The following MVB12B variants were observed in gnomAD, a reference collection of about 807,000 sequenced individuals.
The protein encoded by MVB12B is multivesicular body subunit 12B, also known as ESCRT-I complex subunit MVB12B.
A neutral mutation model predicts 41.6 loss-of-function variants in MVB12B; 16 were observed. The observed-to-expected ratio is 0.38, with a 90% CI of 0.26 to 0.58. The LOEUF (loss-of-function observed/expected upper bound fraction) is 0.58, where lower values mean the gene tolerates loss of function less well. Among genes scored for constraint, MVB12B ranks in the 20% least tolerant of loss-of-function variants. The probability of loss-of-function intolerance (pLI) is 0.62; values close to 1 mark genes in which losing one functional copy is unlikely to be tolerated. For missense variants in MVB12B, 274 were observed against 380.2 expected (o/e 0.72, Z 2.32); for synonymous variants, 133 against 139.7 (o/e 0.95, Z 0.34).
At position 126,376,033 on chromosome 9, in the gene MVB12B, C is replaced by G. The variant is rs1005852731; in HGVS notation, c.205-5031C>G. 2.6e-5 allele frequency among the ~76,000 whole-genome samples: 4 copies of G among 152,116 alleles called. No homozygotes were observed. Among genetic ancestry groups the G allele is most frequent in the Non-Finnish European group, 5.9e-5 (4 of 68,010 alleles). ...TTAACACAGAGGCTCCCCCTCCCCT[C>G]CGGTTTTTATTTTAAAAGTTCTTTC... is the stretch of plus-strand genomic sequence containing the variant. On this transcript the variant is annotated intron_variant, in intron 2 of 9. Coordinates refer to ENST00000361171, the MANE Select transcript of MVB12B (RefSeq NM_033446.3). This position sits in a 1 kb window ranked among gnomAD's most constrained non-coding sequence, Gnocchi z 4.1.
intron 3 of MVB12B, among the ~76,000 whole-genome samples, chr9:126,384,389 T>G (rs1437483020): frequency 6.6e-6 from 1 of 152,208 alleles, no homozygotes; most frequent in East Asian, 1.9e-4. Flanking sequence ...TGCTATGACC[T>G]TCCTAGTTAA....
At chr9:126,358,870 A>C (rs10987254) in intron 2 of MVB12B, among the ~76,000 whole-genome samples, 63,053 of 151,940 alleles carry the variant, frequency 0.41, 13,393 homozygotes, top group South Asian at 0.49. Flanking sequence ...CCTTTTCCCA[A>C]ATCTTAGGGG....
At chr9:126,373,697 G>A (rs769327635) in intron 2 of MVB12B, among the ~76,000 whole-genome samples, 3 of 152,168 alleles carry the variant, frequency 2.0e-5, no homozygotes, top group Non-Finnish European at 4.4e-5. Flanking sequence ...GATTGACTGC[G>A]CCGCTCCTCT....
chr9:126,414,717 T>C (rs1588152888), intron 6 of MVB12B, among the ~76,000 whole-genome samples: 1 of 152,118 alleles, frequency 6.6e-6, no homozygotes. Context: ...TCTAAACTCA[T>C]GGATCTGCCT....
At chr9:126,460,289 A>C (rs1386827897) in intron 7 of MVB12B, among the ~76,000 whole-genome samples, 1 of 152,220 alleles carries the variant, frequency 6.6e-6, no homozygotes, top group Non-Finnish European at 1.5e-5. Flanking sequence ...GGAAGGTCAC[A>C]GGCACTCGGG....
intron 7 of MVB12B, among the ~76,000 whole-genome samples, chr9:126,464,358 A>G (rs148970428): frequency 7.9e-4 from 120 of 152,340 alleles, no homozygotes; most frequent in African/African-American, 2.7e-3. Context: ...AGTGGTTAGC[A>G]GGCCAGAATA....
At chr9:126,464,770 T>C (rs1833164247) in intron 7 of MVB12B, among the ~76,000 whole-genome samples, 2 of 152,212 alleles carry the variant, frequency 1.3e-5, no homozygotes, top group South Asian at 4.1e-4. Flanking sequence ...CGGAAGGCAG[T>C]GGATTTAGGA....
intron 9 of MVB12B, among the ~76,000 whole-genome samples, chr9:126,498,670 C>G (rs553990518): frequency 6.6e-6 from 1 of 152,274 alleles, no homozygotes; most frequent in East Asian, 1.9e-4. Flanking sequence ...CATTGCCCAG[C>G]TCACTCTGGG....
chr9:126,480,463 G>A lies in MVB12B; in HGVS notation c.758-906G>A, dbSNP rs147557912. Reference sequence around the variant, plus strand: ...CTGAGGTTATAATTCATAGAGAAGTGCTCACTTACGGAGGCACACCCTGGG... The same window carrying A: ...CTGAGGTTATAATTCATAGAGAAGTACTCACTTACGGAGGCACACCCTGGG... On this transcript the variant is annotated intron_variant, in intron 7 of 9. Coordinates refer to ENST00000361171, the MANE Select transcript of MVB12B (RefSeq NM_033446.3). This position sits in a 1 kb window ranked among gnomAD's most constrained non-coding sequence, Gnocchi z 4.9. 2.1e-4 allele frequency among the ~76,000 whole-genome samples: 32 copies of A among 152,296 alleles called. No individual in the cohort carries two copies. The highest frequency in any genetic ancestry group is 7.2e-4 in the African/African-American group (30 of 41,578).
intron 7 of MVB12B, among the ~76,000 whole-genome samples, chr9:126,465,530 A>C (rs1004503213): frequency 8.5e-5 from 13 of 152,108 alleles, no homozygotes; most frequent in African/African-American, 3.1e-4. Flanking sequence ...CCCTGATGCC[A>C]AGGCCAGTTC....
Position 126,376,423 on chromosome 9 carries a change from T to G in MVB12B, c.205-4641T>G. On this transcript the variant is annotated intron_variant, in intron 2 of 9. Coordinates refer to ENST00000361171, the MANE Select transcript of MVB12B (RefSeq NM_033446.3). The surrounding 1 kb of genome is among the most constrained non-coding windows in gnomAD (Gnocchi z 4.1). ...GCCTGTCCCCAGTGCCTGGTGACCCTTTGTTGTGGGTTGGGATTTAAGATG... is the reference window on the plus strand; with the variant it reads ...GCCTGTCCCCAGTGCCTGGTGACCCGTTGTTGTGGGTTGGGATTTAAGATG... The G allele has an allele frequency of 9.5e-7, 1 of 1,047,346 alleles. No individual in the cohort carries two copies. Among genetic ancestry groups the G allele is most frequent in the Non-Finnish European group, 1.3e-6 (1 of 769,210 alleles). 64.9% of individuals were successfully genotyped at this position (1,047,346 alleles called of 1,614,324 possible).
At chr9:126,350,812 A>G (rs903763770) in intron 2 of MVB12B, among the ~76,000 whole-genome samples, 6 of 152,196 alleles carry the variant, frequency 3.9e-5, no homozygotes, top group African/African-American at 1.4e-4. Flanking sequence ...CGTTCAAACT[A>G]TAGCAGGTAG....
chr9:126,487,180 G>A (rs190140492), intron 9 of MVB12B, among the ~76,000 whole-genome samples: 6 of 152,280 alleles, frequency 3.9e-5, no homozygotes, highest in Admixed American at 2.6e-4. Flanking sequence ...TTTTCTGCAC[G>A]ATCAGGATAG....
intron 7 of MVB12B, among the ~76,000 whole-genome samples, chr9:126,471,398 C>T (rs764570262): frequency 1.3e-5 from 2 of 152,252 alleles, no homozygotes; most frequent in African/African-American, 2.4e-5. Context: ...CCCGTGCTGC[C>T]TCTCACGCGG....
intron 9 of MVB12B, among the ~76,000 whole-genome samples, chr9:126,496,544 G>A (rs906441141): frequency 2.7e-5 from 4 of 148,294 alleles, no homozygotes; most frequent in Non-Finnish European, 5.9e-5. Context: ...CTCCACAGCT[G>A]CCCTGAGCAT....
rs187747874 is a variant in MVB12B, at chr9:126,376,934, C to T, written c.205-4130C>T. ...TCCCCCGCCCCCACCCCAATGGTGTCTGGTGATTCTGGATCCTGGGGCTCT... is the reference window on the plus strand; with the variant it reads ...TCCCCCGCCCCCACCCCAATGGTGTTTGGTGATTCTGGATCCTGGGGCTCT... On this transcript the variant is annotated intron_variant, in intron 2 of 9. Transcript: ENST00000361171. The surrounding 1 kb of genome is among the most constrained non-coding windows in gnomAD (Gnocchi z 4.1). Among the ~76,000 whole-genome samples the T allele has an allele frequency of 3.1e-4, 47 of 150,762 alleles. No individual in the cohort carries two copies. The highest frequency in any genetic ancestry group is 9.2e-4 in the African/African-American group (38 of 41,096).
chr9:126,390,054 C>T (rs1277599474), intron 4 of MVB12B, among the ~76,000 whole-genome samples: 1 of 152,170 alleles, frequency 6.6e-6, no homozygotes, highest in Non-Finnish European at 1.5e-5. Flanking sequence ...AAACCCTGGG[C>T]AGGACTGTAC....
At chr9:126,487,218 T>C (rs1459925071) in intron 9 of MVB12B, among the ~76,000 whole-genome samples, 2 of 152,210 alleles carry the variant, frequency 1.3e-5, no homozygotes, top group Non-Finnish European at 2.9e-5. Flanking sequence ...CCAGAGTCTA[T>C]GTGGGTTTAA....
At chr9:126,479,970 T>C (rs1833493500) in intron 7 of MVB12B, among the ~76,000 whole-genome samples, 1 of 152,204 alleles carries the variant, frequency 6.6e-6, no homozygotes, top group Non-Finnish European at 1.5e-5. Context: ...GCTTTCTGCT[T>C]CTGCTACTCT....
Sources: allele counts gnomAD v4.1 joint callset (sites outside exome capture counted in the v4.1 genomes callset), GRCh38; gene constraint gnomAD v4.1.1; non-coding constraint Gnocchi (gnomAD v3.1); transcripts MANE v1.5; gene names NCBI Gene and HGNC (gene_info 2026-07-23, HGNC 2026-07-21).